The following GFRA1 variants were observed in gnomAD, a reference collection of about 807,000 sequenced individuals.
The protein encoded by GFRA1 is GDNF family receptor alpha-1.
GFRA1 carries 16 observed loss-of-function variants against 51.6 expected under a neutral mutation model. The ratio of observed to expected loss-of-function variants is 0.31; its 90% CI spans 0.21 to 0.47. GFRA1 has a LOEUF of 0.47. Among genes scored for constraint, GFRA1 ranks in the 20% least tolerant of loss-of-function variants. The probability of loss-of-function intolerance (pLI) is 1.00; values close to 1 mark genes in which losing one functional copy is unlikely to be tolerated. For missense variants in GFRA1, 530 were observed against 594.3 expected (o/e 0.89, Z 1.13); for synonymous variants, 270 against 241.3 (o/e 1.12, Z -1.10).
intron 6 of GFRA1, among the ~76,000 whole-genome samples, chr10:116,108,329 T>C (rs1472377936): frequency 2.0e-5 from 3 of 152,190 alleles, no homozygotes; most frequent in Non-Finnish European, 4.4e-5. Context: ...AGAATATCAC[T>C]ATTGCTCAGG....
chr10:116,202,710 C>T (rs181770881), intron 5 of GFRA1, among the ~76,000 whole-genome samples: 61 of 152,182 alleles, frequency 4.0e-4, no homozygotes, highest in Admixed American at 1.2e-3. Context: ...CATTAGATCT[C>T]GTGAGAACTT....
At chr10:116,079,625 G>T (rs571621969) in intron 9 of GFRA1, among the ~76,000 whole-genome samples, 1 of 152,226 alleles carries the variant, frequency 6.6e-6, no homozygotes, top group African/African-American at 2.4e-5. Context: ...GGTGCTACTG[G>T]TATCCGGACG....
intron 5 of GFRA1, among the ~76,000 whole-genome samples, chr10:116,130,306 T>C (rs1334881962): frequency 1.3e-5 from 2 of 152,040 alleles, no homozygotes; most frequent in Non-Finnish European, 2.9e-5. Flanking sequence ...CTAATATTAT[T>C]ACAACAAAGA....
At chr10:116,102,035 G>A (rs996163465) in intron 6 of GFRA1, among the ~76,000 whole-genome samples, 1 of 152,032 alleles carries the variant, frequency 6.6e-6, no homozygotes, top group African/African-American at 2.4e-5. Flanking sequence ...GGTTTTCTTC[G>A]AGTCTTGAGA....
At position 116,062,743 on chromosome 10, in the gene GFRA1, T is replaced by C. The variant is rs1426404282; in HGVS notation, c.*1655A>G. On this transcript the variant is annotated 3_prime_UTR_variant, in exon 11 of 11. Coordinates refer to ENST00000355422, the MANE Select transcript of GFRA1 (RefSeq NM_005264.8). The stretch of plus-strand genomic sequence containing the variant: ...GAGAAAAGTGGCCACCAGTACTCGA[T>C]CATTGTAGATTCGGAATCTCGCCAT... The C allele has an allele frequency of 2.0e-5, 3 of 152,220 alleles. No homozygotes were observed. Among genetic ancestry groups the C allele is most frequent in the African/African-American group, 7.2e-5 (3 of 41,446 alleles). The allele number at this position is 152,220 out of a possible 1,614,324, so 9.4% of individuals were successfully genotyped here.
At chr10:116,091,445 G>C (rs1278571923) in intron 8 of GFRA1, among the ~76,000 whole-genome samples, 2 of 152,164 alleles carry the variant, frequency 1.3e-5, no homozygotes, top group African/African-American at 4.8e-5. Flanking sequence ...ACTGGGGAGA[G>C]GGAGTTGGTA....
intron 4 of GFRA1, among the ~76,000 whole-genome samples, chr10:116,245,602 G>A (rs1364042631): frequency 6.6e-6 from 1 of 152,194 alleles, no homozygotes; most frequent in Non-Finnish European, 1.5e-5. Context: ...GAGTTGAAAA[G>A]TTAGGTCCAC....
intron 5 of GFRA1, among the ~76,000 whole-genome samples, chr10:116,197,016 T>C (rs1230856487): frequency 6.6e-6 from 1 of 151,368 alleles, no homozygotes; most frequent in African/African-American, 2.4e-5. Context: ...TGTGGCCTTC[T>C]CTCCATGTCC....
intron 9 of GFRA1, among the ~76,000 whole-genome samples, chr10:116,086,056 GC>G (rs1387513960): frequency 6.6e-5 from 10 of 152,208 alleles, no homozygotes; most frequent in African/African-American, 2.4e-4. Context: ...ATCTTAGTCT[GC>G]TAGAGAATTA....
At chr10:116,147,722 G>T (rs1437684418) in intron 5 of GFRA1, among the ~76,000 whole-genome samples, 1 of 152,130 alleles carries the variant, frequency 6.6e-6, no homozygotes, top group Non-Finnish European at 1.5e-5. Flanking sequence ...ATCTCTGAAT[G>T]AGAACGGAGG....
intron 5 of GFRA1, among the ~76,000 whole-genome samples, chr10:116,205,259 C>A (rs890056294): frequency 2.0e-5 from 3 of 152,016 alleles, no homozygotes; most frequent in Non-Finnish European, 4.4e-5. Flanking sequence ...CACACAAATA[C>A]TAGCATTATT....
chr10:116,191,879 T>C (rs1764405881), intron 5 of GFRA1, among the ~76,000 whole-genome samples: 1 of 151,950 alleles, frequency 6.6e-6, no homozygotes, highest in African/African-American at 2.4e-5. Context: ...ATACAAAAAT[T>C]AGCCGGGCGT....
intron 9 of GFRA1, among the ~76,000 whole-genome samples, chr10:116,077,238 T>C (rs1955657105): frequency 6.6e-6 from 1 of 152,182 alleles, no homozygotes; most frequent in African/African-American, 2.4e-5. Context: ...AGATTAGGGA[T>C]AAAAGAGTTT....
chr10:116,259,957 G>T (rs1363841851), intron 4 of GFRA1, among the ~76,000 whole-genome samples: 1 of 152,142 alleles, frequency 6.6e-6, no homozygotes, highest in Non-Finnish European at 1.5e-5. Flanking sequence ...AGGGGAAGGG[G>T]ACACAAGGTA....
intron 4 of GFRA1, among the ~76,000 whole-genome samples, chr10:116,257,733 C>T (rs965617269): frequency 5.3e-5 from 8 of 152,182 alleles, no homozygotes; most frequent in African/African-American, 1.9e-4. Flanking sequence ...ACTAAAATGG[C>T]AATTTCATGC....
chr10:116,159,420 T>C lies in GFRA1; in HGVS notation c.434-33863A>G, dbSNP rs1021221725. On this transcript the variant is annotated intron_variant, in intron 5 of 10. Coordinates refer to ENST00000355422, the MANE Select transcript of GFRA1 (RefSeq NM_005264.8). ...ATCAGAGCCTTTATATGCTACCATG[T>C]AGTGGATCCTCGTGCAGGCCACACT... Among the ~76,000 whole-genome samples the C allele has an allele frequency of 2.6e-5, 4 of 152,330 alleles. No homozygotes were observed. In the South Asian group the frequency reaches 8.3e-4, roughly 32 times the overall value.
intron 3 of GFRA1, among the ~76,000 whole-genome samples, chr10:116,270,402 G>A (rs1843805175): frequency 6.6e-6 from 1 of 152,186 alleles, no homozygotes; most frequent in East Asian, 1.9e-4. Context: ...ATCAGAGCAG[G>A]TTAAAGGGAA....
intron 5 of GFRA1, among the ~76,000 whole-genome samples, chr10:116,177,008 A>T (rs1419309665): frequency 6.6e-6 from 1 of 152,206 alleles, no homozygotes; most frequent in Admixed American, 6.5e-5. Context: ...AGATCAATGG[A>T]CAATGGGAAC....
chr10:116,230,521 G>C (rs983002225), intron 4 of GFRA1, among the ~76,000 whole-genome samples: 11 of 152,152 alleles, frequency 7.2e-5, no homozygotes, highest in Admixed American at 2.0e-4. Flanking sequence ...CACATATATA[G>C]ATATAAAGGC....
Sources: allele counts gnomAD v4.1 joint callset (sites outside exome capture counted in the v4.1 genomes callset), GRCh38; gene constraint gnomAD v4.1.1; transcripts MANE v1.5; gene names NCBI Gene and HGNC (gene_info 2026-07-23, HGNC 2026-07-21).